The following MAP3K15 variants were observed in gnomAD, a reference collection of about 807,000 sequenced individuals.
The protein encoded by MAP3K15 is mitogen-activated protein kinase kinase kinase 15, also known as MAPK/ERK kinase kinase 15.
Under a neutral mutation model 99.5 loss-of-function variants are expected in MAP3K15, and 124 were observed. The ratio of observed to expected loss-of-function variants is 1.25; its 90% CI spans 1.08 to 1.45. The LOEUF (loss-of-function observed/expected upper bound fraction) is 1.45, where lower values mean the gene tolerates loss of function less well. Ranked by LOEUF, MAP3K15 falls within the 40% of genes most tolerant of loss-of-function variation. The pLI is 0.00. For missense variants in MAP3K15, 1,242 were observed against 1,079.7 expected (o/e 1.15, Z -2.11); for synonymous variants, 494 against 439.6 (o/e 1.12, Z -1.55).
intron 9 of MAP3K15, among the ~76,000 whole-genome samples, chrX:19,420,123 C>A (rs372045557): frequency 8.1e-5 from 9 of 111,263 alleles, no homozygotes; most frequent in Non-Finnish European, 1.1e-4. Flanking sequence ...ATCACAATTA[C>A]AAGAACTAGA....
chrX:19,485,511 C>T (rs759454828), intron 3 of MAP3K15, among the ~76,000 whole-genome samples: 3 of 109,479 alleles, frequency 2.7e-5, no homozygotes, highest in South Asian at 4.0e-4. Flanking sequence ...ATAGTAATCA[C>T]GTGCACTATA....
intron 1 of MAP3K15, among the ~76,000 whole-genome samples, chrX:19,490,312 G>A (rs750430753): frequency 1.6e-4 from 18 of 111,232 alleles, no homozygotes; most frequent in South Asian, 7.5e-4. Flanking sequence ...CAATTTGTGC[G>A]TTTAGCTCCA....
At chrX:19,366,591 A>T (rs2063336530) in intron 25 of MAP3K15, among the ~76,000 whole-genome samples, 1 of 111,076 alleles carries the variant, frequency 9.0e-6, no homozygotes, top group Non-Finnish European at 1.9e-5. Context: ...ATAAGGGAAA[A>T]CCCCTTCCGC....
At chrX:19,402,730 T>C (rs757445879) in intron 13 of MAP3K15, among the ~76,000 whole-genome samples, 1 of 111,675 alleles carries the variant, frequency 9.0e-6, no homozygotes, top group South Asian at 3.8e-4. Flanking sequence ...AGTGGCGTGA[T>C]CATGGTTCAC....
rs191448666 is a variant in MAP3K15 at position 19,456,291 on chromosome X, G to A, written c.995+622C>T. Among the ~76,000 whole-genome samples the A allele has an allele frequency of 1.2e-3, 138 of 112,038 alleles. 1 individual carries two copies. Among genetic ancestry groups the A allele is most frequent in the African/African-American group, 4.0e-3 (123 of 30,879 alleles). ...GTGGCATACCTATACCAAGGACTAC[G>A]CGACGGCAATGAGAACGAACAAACC... On this transcript the variant is annotated intron_variant, in intron 6 of 28. Coordinates refer to ENST00000338883, the MANE Select transcript of MAP3K15 (RefSeq NM_001001671.4).
intron 19 of MAP3K15, among the ~76,000 whole-genome samples, chrX:19,375,566 T>G (rs2063411363): frequency 8.9e-6 from 1 of 112,167 alleles, no homozygotes; most frequent in African/African-American, 3.2e-5. Context: ...CCCTCTCATC[T>G]TTTTAGGAGT....
chrX:19,391,010 T>G (rs1446605423), intron 18 of MAP3K15, among the ~76,000 whole-genome samples: 4 of 112,007 alleles, frequency 3.6e-5, no homozygotes, highest in African/African-American at 1.3e-4. Flanking sequence ...TTGACCATCA[T>G]TCTACTTATT....
intron 5 of MAP3K15, among the ~76,000 whole-genome samples, chrX:19,458,468 C>T (rs2064109943): frequency 9.0e-6 from 1 of 111,698 alleles, no homozygotes; most frequent in Non-Finnish European, 1.9e-5. Context: ...CACCTGAGGT[C>T]AGGAGTTTGA....
chrX:19,473,890 A>T (rs2064223184), intron 3 of MAP3K15, among the ~76,000 whole-genome samples: 2 of 112,136 alleles, frequency 1.8e-5, no homozygotes, highest in African/African-American at 6.5e-5. Flanking sequence ...CATAATTTTA[A>T]ATGCCTGCCT....
chrX:19,472,848 T>C lies in MAP3K15; in HGVS notation c.526-8442A>G, dbSNP rs910260693. Among the ~76,000 whole-genome samples the C allele has an allele frequency of 3.6e-5, 4 of 112,035 alleles. No homozygotes were observed. The Admixed American group carries it at 3.8e-4, about 11-fold the overall frequency. ...GTTATTCCTTTAGCAAACCTAGTCCTCCCAAATATTACAAGAGTCAACTTT... is the reference window on the plus strand; with the variant it reads ...GTTATTCCTTTAGCAAACCTAGTCCCCCCAAATATTACAAGAGTCAACTTT... On this transcript the variant is annotated intron_variant, in intron 3 of 28. Transcript: ENST00000338883.
At chrX:19,489,560 T>C (rs568322896) in intron 1 of MAP3K15, among the ~76,000 whole-genome samples, 51 of 111,105 alleles carry the variant, frequency 4.6e-4, no homozygotes, top group East Asian at 2.9e-4. Flanking sequence ...GTCATGAGGA[T>C]GGAGGCCTCA....
chrX:19,423,514 T>G (rs905010165), intron 9 of MAP3K15, among the ~76,000 whole-genome samples: 1 of 112,171 alleles, frequency 8.9e-6, no homozygotes, highest in Non-Finnish European at 1.9e-5. Context: ...CACAACCTCT[T>G]TGGTACTAAA....
At position 19,410,049 on chromosome X, in the gene MAP3K15, T is replaced by C. The variant is rs137977386; in HGVS notation, c.1699-76A>G. On this transcript the variant is annotated intron_variant, in intron 11 of 28. Coordinates refer to ENST00000338883, the MANE Select transcript of MAP3K15 (RefSeq NM_001001671.4). ...TGATTTTTTTTGTTTCATTCTATGG[T>C]CAATCATTTCTGCTATTTTACCTGC... 1,751 of 880,615 alleles carry C rather than the reference T, an allele frequency of 2.0e-3. 31 individuals are homozygous for C. The East Asian group carries it at 0.049, about 25-fold the overall frequency. 72.6% of individuals were successfully genotyped at this position (880,615 alleles called of 1,213,427 possible).
chrX:19,427,440 G>T, intron 7 of MAP3K15, among the ~76,000 whole-genome samples: 1 of 111,230 alleles, frequency 9.0e-6, no homozygotes, highest in Non-Finnish European at 1.9e-5. Flanking sequence ...GTTTTTTCAT[G>T]CAGGAAGCCG....
intron 13 of MAP3K15, among the ~76,000 whole-genome samples, chrX:19,401,456 G>T (rs966524213): frequency 9.0e-6 from 1 of 111,394 alleles, no homozygotes; most frequent in South Asian, 3.7e-4. Context: ...CACGGCCTCC[G>T]AAAGTGTTGG....
intron 15 of MAP3K15, among the ~76,000 whole-genome samples, chrX:19,396,968 C>T (rs963117396): frequency 8.3e-5 from 9 of 108,251 alleles, no homozygotes; most frequent in Middle Eastern, 4.3e-3. Context: ...GGCACAGTCT[C>T]GGCTCACTGT....
At chrX:19,443,656 G>A (rs1043547131) in intron 6 of MAP3K15, among the ~76,000 whole-genome samples, 7 of 111,828 alleles carry the variant, frequency 6.3e-5, no homozygotes, top group African/African-American at 2.3e-4. Flanking sequence ...GAGGGAACGA[G>A]TATTCTGGGC....
intron 6 of MAP3K15, among the ~76,000 whole-genome samples, chrX:19,452,538 C>T (rs906918008): frequency 8.0e-5 from 9 of 112,177 alleles, no homozygotes; most frequent in Non-Finnish European, 1.3e-4. Flanking sequence ...AATATTTGCA[C>T]ACTATGTTAA....
intron 9 of MAP3K15, among the ~76,000 whole-genome samples, chrX:19,422,620 C>T (rs1462027320): frequency 5.4e-5 from 6 of 111,836 alleles, no homozygotes; most frequent in African/African-American, 2.0e-4. Flanking sequence ...GTCAGTGTGG[C>T]AATTCCTCAG....
Sources: allele counts gnomAD v4.1 joint callset (sites outside exome capture counted in the v4.1 genomes callset), GRCh38; gene constraint gnomAD v4.1.1; transcripts MANE v1.5; gene names NCBI Gene and HGNC (gene_info 2026-07-23, HGNC 2026-07-21).